RBFOX1: variants seen among roughly 807,000 people sequenced by gnomAD.
RBFOX1 encodes the protein RNA binding protein fox-1 homolog 1.
RBFOX1 carries 8 observed loss-of-function variants against 57.7 expected under a neutral mutation model. That is an observed-to-expected ratio of 0.14 (90% CI 0.08 to 0.25). The LOEUF is 0.25. Ranked by LOEUF, RBFOX1 falls within the 10% of genes least tolerant of loss-of-function variation. The pLI is 1.00. For missense variants in RBFOX1, 611 were observed against 548.5 expected, an observed-to-expected ratio of 1.11 and a Z score of -1.14; for synonymous variants, 326 against 222.4, an observed-to-expected ratio of 1.47 and a Z score of -4.15.
At chr16:6,933,194 A>T (rs142079968) in intron 3 of RBFOX1, among the ~76,000 whole-genome samples, 5 of 152,328 alleles carry the variant, frequency 3.3e-5, no homozygotes, top group Admixed American at 6.5e-5. Flanking sequence ...GAATGATGCT[A>T]TGAACGGGAG....
At chr16:5,984,976 A>ATTTTTTTTTTTTTTT (rs869160414) in intron 4 of RBFOX1, among the ~76,000 whole-genome samples, 1 of 55,714 alleles carries the variant, frequency 1.8e-5, no homozygotes, top group African/African-American at 8.7e-5. Flanking sequence ...ATATATATAT[A>ATTTTTTTTTTTTTTT]TTTTTTTTTT....
rs77139796 is a variant in RBFOX1 at position 7,702,146 on chromosome 16, T to G, written c.996-6910T>G. Among the ~76,000 whole-genome samples the G allele has an allele frequency of 5.9e-5, 9 of 152,330 alleles. No homozygotes were observed. The East Asian group carries it at 1.7e-3, about 29-fold the overall frequency. ...ATGCGCACTGGGATTAGCCCAGACC[T>G]TACAACCTGGGATTCTGCGATTTGA... On this transcript the variant is annotated intron_variant, in intron 14 of 15. Transcript: ENST00000550418.
At chr16:7,160,017 C>G (rs917261989) in intron 4 of RBFOX1, among the ~76,000 whole-genome samples, 4 of 152,098 alleles carry the variant, frequency 2.6e-5, no homozygotes, top group Non-Finnish European at 5.9e-5. Context: ...CTTGACATAT[C>G]TAAGCATTAT....
At chr16:5,447,065 A>G (rs553634764) in intron 1 of RBFOX1, among the ~76,000 whole-genome samples, 3 of 152,248 alleles carry the variant, frequency 2.0e-5, no homozygotes, top group East Asian at 3.9e-4. Context: ...CAAACAAACC[A>G]TCACGATCAA....
At chr16:7,630,566 T>C (rs779884042) in intron 10 of RBFOX1, 37 bp from the exon 11 acceptor site, 1 of 1,612,978 alleles carries the variant, frequency 6.2e-7, no homozygotes, top group Middle Eastern at 1.6e-4. Flanking sequence ...GTGTACCGAT[T>C]CCCAAACCAG....
chr16:6,400,093 C>G (rs1170666758), intron 2 of RBFOX1, among the ~76,000 whole-genome samples: 1 of 152,196 alleles, frequency 6.6e-6, no homozygotes. Context: ...TTGAACAACA[C>G]TATCTACCAA....
chr16:5,369,118 C>T (rs951002997), intron 1 of RBFOX1, among the ~76,000 whole-genome samples: 1 of 152,166 alleles, frequency 6.6e-6, no homozygotes, highest in Non-Finnish European at 1.5e-5. Flanking sequence ...TCTCCTGTCT[C>T]AGCCTCACAA....
intron 1 of RBFOX1, among the ~76,000 whole-genome samples, chr16:6,181,317 G>A (rs186494441): frequency 1.3e-5 from 2 of 152,288 alleles, no homozygotes; most frequent in East Asian, 1.9e-4. Flanking sequence ...TGTTAACTAG[G>A]GATGAAGCCC....
chr16:5,578,935 C>T (rs1164894649), intron 2 of RBFOX1, among the ~76,000 whole-genome samples: 3 of 149,592 alleles, frequency 2.0e-5, no homozygotes, highest in South Asian at 2.1e-4. Context: ...GCAACCTCTG[C>T]CTCCTGGGTT....
intron 1 of RBFOX1, among the ~76,000 whole-genome samples, chr16:6,140,541 A>G (rs935422569): frequency 6.6e-5 from 10 of 152,244 alleles, no homozygotes; most frequent in Admixed American, 5.9e-4. Context: ...TAGCAGGATC[A>G]TCCATTCACA....
chr16:7,301,529 G>A (rs575879546), intron 4 of RBFOX1, among the ~76,000 whole-genome samples: 1 of 152,206 alleles, frequency 6.6e-6, no homozygotes, highest in East Asian at 1.9e-4. Context: ...TTCCAACTTT[G>A]GGGAGAAAAC....
At chr16:5,690,633 C>G (rs2050646016) in intron 3 of RBFOX1, among the ~76,000 whole-genome samples, 1 of 152,136 alleles carries the variant, frequency 6.6e-6, no homozygotes, top group African/African-American at 2.4e-5. Flanking sequence ...ATTTTACTTC[C>G]CTCTGAATTC....
At chr16:5,841,894 C>T (rs113908960) in intron 3 of RBFOX1, among the ~76,000 whole-genome samples, 1 of 152,158 alleles carries the variant, frequency 6.6e-6, no homozygotes, top group African/African-American at 2.4e-5. Context: ...TCCTCAAAGC[C>T]GAGAGTCTCA....
At chr16:6,096,510 T>C (rs1311759316) in intron 1 of RBFOX1, among the ~76,000 whole-genome samples, 3 of 152,166 alleles carry the variant, frequency 2.0e-5, no homozygotes, top group Non-Finnish European at 4.4e-5. Flanking sequence ...TTAGCAATGA[T>C]TTTGGAATTC....
intron 2 of RBFOX1, among the ~76,000 whole-genome samples, chr16:6,357,657 T>C (rs1039136705): frequency 1.3e-5 from 2 of 151,970 alleles, no homozygotes; most frequent in Non-Finnish European, 2.9e-5. Flanking sequence ...AGTTCTCTAC[T>C]GAGAGCTGGA....
chr16:7,490,190 TC>T (rs1053981253), intron 4 of RBFOX1, among the ~76,000 whole-genome samples: 1 of 152,048 alleles, frequency 6.6e-6, no homozygotes, highest in East Asian at 1.9e-4. Context: ...TTTGACGTTT[TC>T]CCCCCCTTGT....
intron 3 of RBFOX1, among the ~76,000 whole-genome samples, chr16:6,754,791 T>A (rs1005015897): frequency 2.0e-5 from 3 of 152,100 alleles, no homozygotes; most frequent in Admixed American, 2.0e-4. Context: ...GCCATGCTGG[T>A]GTGCTCCACC....
intron 4 of RBFOX1, among the ~76,000 whole-genome samples, chr16:5,928,807 C>T (rs1295184746): frequency 1.3e-5 from 2 of 152,034 alleles, no homozygotes; most frequent in East Asian, 3.9e-4. Context: ...TTCTTTCCCA[C>T]CCTGGCTTTG....
At chr16:6,479,819 G>A (rs2095343025) in intron 2 of RBFOX1, among the ~76,000 whole-genome samples, 1 of 152,056 alleles carries the variant, frequency 6.6e-6, no homozygotes, top group Non-Finnish European at 1.5e-5. Context: ...GGAGGCCGAG[G>A]CAGGCAGATC....
Sources: allele counts gnomAD v4.1 joint callset (sites outside exome capture counted in the v4.1 genomes callset), GRCh38; gene constraint gnomAD v4.1.1; transcripts MANE v1.5; gene names NCBI Gene and HGNC (gene_info 2026-07-23, HGNC 2026-07-21).